ZNF804B: variants seen among roughly 807,000 people sequenced by gnomAD.
ZNF804B encodes zinc finger 804B.
A neutral mutation model predicts 101.4 loss-of-function variants in ZNF804B; 80 were observed. The observed-to-expected ratio is 0.79, with a 90% confidence interval of 0.66 to 0.95. The LOEUF is 0.95. ZNF804B is among the 40% of genes least tolerant of loss of function. ZNF804B has a pLI of 0.00. For synonymous variants in ZNF804B, 622 were observed against 558.8 expected, an observed-to-expected ratio of 1.11 and a Z score of -1.59; for missense variants, 1,673 against 1,561.9, an observed-to-expected ratio of 1.07 and a Z score of -1.20.
chr7:89,288,717 C>T (rs1269825552), intron 2 of ZNF804B, among the ~76,000 whole-genome samples: 1 of 152,034 alleles, frequency 6.6e-6, no homozygotes, highest in South Asian at 2.1e-4. Context: ...AAGGGATTTT[C>T]GGCAGCCCAC....
chr7:89,031,150 C>T (rs116691934), intron 1 of ZNF804B, among the ~76,000 whole-genome samples: 4,942 of 150,830 alleles, frequency 0.033, 276 homozygotes, highest in African/African-American at 0.11. Flanking sequence ...GCACATGTAC[C>T]CTGCAACTTA....
At chr7:89,240,776 T>A (rs1789356863) in intron 2 of ZNF804B, among the ~76,000 whole-genome samples, 1 of 152,146 alleles carries the variant, frequency 6.6e-6, no homozygotes, top group Non-Finnish European at 1.5e-5. Context: ...AATTTCTTGC[T>A]GAGTACTTAA....
At chr7:89,292,155 T>C (rs1011869014) in intron 2 of ZNF804B, among the ~76,000 whole-genome samples, 1 of 90,174 alleles carries the variant, frequency 1.1e-5, no homozygotes, top group Non-Finnish European at 2.8e-5. Flanking sequence ...ATAAAGGAAC[T>C]TTTTCAAACT....
At chr7:88,912,236 A>G (rs1490201640) in intron 1 of ZNF804B, among the ~76,000 whole-genome samples, 2 of 151,998 alleles carry the variant, frequency 1.3e-5, no homozygotes, top group Non-Finnish European at 2.9e-5. Context: ...CTTTCTCTAC[A>G]AGGCTTTAGG....
intron 1 of ZNF804B, among the ~76,000 whole-genome samples, chr7:88,887,047 C>G (rs1437779797): frequency 3.9e-5 from 6 of 152,030 alleles, no homozygotes; most frequent in African/African-American, 1.4e-4. Context: ...ATCAAAACCA[C>G]AATGATACTG....
intron 1 of ZNF804B, among the ~76,000 whole-genome samples, chr7:88,948,218 A>G (rs780437379): frequency 1.3e-5 from 2 of 151,418 alleles, no homozygotes; most frequent in African/African-American, 2.4e-5. Context: ...CTGGGTCTCT[A>G]TGATAATGAG....
At chr7:88,932,335 A>G (rs1487849010) in intron 1 of ZNF804B, among the ~76,000 whole-genome samples, 1 of 151,886 alleles carries the variant, frequency 6.6e-6, no homozygotes, top group Non-Finnish European at 1.5e-5. Context: ...GTCACACCTT[A>G]AGGAACCAGA....
At chr7:88,964,938 G>A (rs1584042718) in intron 1 of ZNF804B, among the ~76,000 whole-genome samples, 1 of 151,458 alleles carries the variant, frequency 6.6e-6, no homozygotes, top group South Asian at 2.1e-4. Flanking sequence ...AGTATATATT[G>A]TAGTTCAGAG....
chr7:88,904,328 A>G (rs1488890651), intron 1 of ZNF804B, among the ~76,000 whole-genome samples: 1 of 152,156 alleles, frequency 6.6e-6, no homozygotes, highest in African/African-American at 2.4e-5. Context: ...TTTTTGTAAC[A>G]GTGCCATGCT....
chr7:88,852,073 C>T (rs577781666), intron 1 of ZNF804B, among the ~76,000 whole-genome samples: 1 of 151,944 alleles, frequency 6.6e-6, no homozygotes, highest in South Asian at 2.1e-4. Flanking sequence ...GAAATGAAGC[C>T]CAAGATGAAA....
chr7:89,096,987 G>T (rs1365049620), intron 1 of ZNF804B, among the ~76,000 whole-genome samples: 1 of 152,100 alleles, frequency 6.6e-6, no homozygotes, highest in Non-Finnish European at 1.5e-5. Flanking sequence ...TAGCATTTCT[G>T]ATCCTTAATC....
chr7:89,265,518 A>G (rs894752824), intron 2 of ZNF804B, among the ~76,000 whole-genome samples: 2 of 152,206 alleles, frequency 1.3e-5, no homozygotes, highest in African/African-American at 4.8e-5. Context: ...CAAATTAGTT[A>G]AAGCCATTTG....
At chr7:88,873,876 T>C (rs1791881035) in intron 1 of ZNF804B, among the ~76,000 whole-genome samples, 1 of 152,180 alleles carries the variant, frequency 6.6e-6, no homozygotes. Context: ...ACTGTAGCCT[T>C]GTAGTATAGT....
At chr7:89,129,950 GAGA>G (rs1790522935) in intron 1 of ZNF804B, among the ~76,000 whole-genome samples, 1 of 152,010 alleles carries the variant, frequency 6.6e-6, no homozygotes, top group East Asian at 1.9e-4. Context: ...TCATTATTCA[GAGA>G]AGAATTATAT....
intron 1 of ZNF804B, among the ~76,000 whole-genome samples, chr7:89,177,399 C>G (rs1037504318): frequency 1.1e-4 from 16 of 152,090 alleles, no homozygotes; most frequent in Non-Finnish European, 1.9e-4. Flanking sequence ...GCATATTGTT[C>G]AATTACCATG....
chr7:89,017,187 G>T (rs1788580524), intron 1 of ZNF804B, among the ~76,000 whole-genome samples: 1 of 152,154 alleles, frequency 6.6e-6, no homozygotes, highest in Admixed American at 6.5e-5. Flanking sequence ...CATTGATATT[G>T]TATCGTGAGA....
intron 1 of ZNF804B, among the ~76,000 whole-genome samples, chr7:88,888,087 T>C (rs1792160033): frequency 6.6e-6 from 1 of 152,162 alleles, no homozygotes; most frequent in South Asian, 2.1e-4. Flanking sequence ...GCCCAAATGA[T>C]AATTTTAAAA....
intron 1 of ZNF804B, among the ~76,000 whole-genome samples, chr7:89,156,564 G>A (rs1262546744): frequency 6.6e-6 from 1 of 152,098 alleles, no homozygotes; most frequent in Admixed American, 6.6e-5. Flanking sequence ...TGCTGGGAGT[G>A]TAAAATGAGA....
intron 1 of ZNF804B, among the ~76,000 whole-genome samples, chr7:88,801,145 C>T (rs1040115514): frequency 1.3e-5 from 2 of 151,658 alleles, no homozygotes; most frequent in Admixed American, 1.3e-4. Context: ...GATTCTAGTG[C>T]GCCCACCCAG....
Sources: allele counts gnomAD v4.1 joint callset (sites outside exome capture counted in the v4.1 genomes callset), GRCh38; gene constraint gnomAD v4.1.1; transcripts MANE v1.5; gene names NCBI Gene and HGNC (gene_info 2026-07-23, HGNC 2026-07-21).